Variants in LARP4B observed in about 807,000 individuals in gnomAD.
LARP4B encodes the protein La ribonucleoprotein 4B.
Under a neutral mutation model 89.8 loss-of-function variants are expected in LARP4B, and 12 were observed. The observed-to-expected ratio is 0.13, with a 90% CI of 0.09 to 0.22. The LOEUF (loss-of-function observed/expected upper bound fraction) is 0.22, where lower values mean the gene tolerates loss of function less well. Among genes scored for constraint, LARP4B ranks in the 10% least tolerant of loss-of-function variants. The pLI, the probability that LARP4B is intolerant of heterozygous loss-of-function variation, is 1.00. For missense variants in LARP4B, 757 were observed against 947.7 expected, an observed-to-expected ratio of 0.80 and a Z score of 2.64; for synonymous variants, 367 against 363.3, an observed-to-expected ratio of 1.01 and a Z score of -0.12.
rs1220700409 is a variant in LARP4B, at chr10:811,617, T to C, written c.*1309A>G. 6.6e-6 allele frequency: 1 copy of C among 152,602 alleles called. No individual in the cohort carries two copies. The highest frequency in any genetic ancestry group is 1.9e-4 in the East Asian group (1 of 5,198). The allele number at this position is 152,602 out of a possible 1,614,324, so 9.5% of individuals were successfully genotyped here. A position where few individuals can be genotyped will look rare whatever the true frequency, so the allele number is the denominator to read the frequency against. ...TTATACAAAAGTTAAGGCAAAGTCA[T>C]TTTCAAGTTTAAATAAAATTCAAGT... On this transcript the variant is annotated 3_prime_UTR_variant, in exon 18 of 18. Transcript: ENST00000316157.
chr10:937,653 C>T, the LARP4B span, among the ~76,000 whole-genome samples: 2 of 152,098 alleles, frequency 1.3e-5, no homozygotes, highest in African/African-American at 4.8e-5. Context: ...AATTCACAAA[C>T]TTATCACGAG....
chr10:978,748 T>A, the LARP4B span, among the ~76,000 whole-genome samples: 1 of 152,248 alleles, frequency 6.6e-6, no homozygotes, highest in Non-Finnish European at 1.5e-5. Context: ...ATGCACTTTA[T>A]TTGTTCCTCA....
At chr10:827,449 T>C (rs1832691903) in intron 11 of LARP4B, among the ~76,000 whole-genome samples, 1 of 152,074 alleles carries the variant, frequency 6.6e-6, no homozygotes, top group East Asian at 1.9e-4. Context: ...TGGTCATATA[T>C]AAAAAATAAA....
intron 1 of LARP4B, among the ~76,000 whole-genome samples, chr10:902,878 G>A (rs572809522): frequency 6.6e-6 from 1 of 152,276 alleles, no homozygotes; most frequent in East Asian, 1.9e-4. Context: ...CTGACCTCAA[G>A]TGATCCCGCC....
intron 15 of LARP4B, among the ~76,000 whole-genome samples, chr10:817,270 C>A (rs994092736): frequency 1.4e-4 from 21 of 152,222 alleles, no homozygotes; most frequent in Non-Finnish European, 2.6e-4. Flanking sequence ...CCTCGTGGGG[C>A]AGCCCAGACC....
chr10:869,632 A>G (rs1835092718), intron 3 of LARP4B, among the ~76,000 whole-genome samples: 1 of 152,168 alleles, frequency 6.6e-6, no homozygotes, highest in Non-Finnish European at 1.5e-5. Context: ...CATGCCTGCA[A>G]TGCCAGCACT....
At chr10:912,065 A>G (rs1314011766) in intron 1 of LARP4B, among the ~76,000 whole-genome samples, 1 of 152,230 alleles carries the variant, frequency 6.6e-6, no homozygotes, top group African/African-American at 2.4e-5. Context: ...CCTTGAGGGA[A>G]TGTCCTTGCA....
At chr10:929,093 C>T (rs1837229195) in intron 1 of LARP4B, among the ~76,000 whole-genome samples, 2 of 152,154 alleles carry the variant, frequency 1.3e-5, no homozygotes, top group South Asian at 4.1e-4. Flanking sequence ...TACTCTTCTA[C>T]AGAATAGTAC....
chr10:968,266 T>C, the LARP4B span, among the ~76,000 whole-genome samples: 5 of 152,224 alleles, frequency 3.3e-5, no homozygotes, highest in African/African-American at 1.2e-4. Context: ...ATAAAAAGGC[T>C]TTCCCAGCAA....
chr10:854,712 T>C (rs1834216448), intron 5 of LARP4B, among the ~76,000 whole-genome samples: 1 of 152,154 alleles, frequency 6.6e-6, no homozygotes, highest in Admixed American at 6.5e-5. Flanking sequence ...TTAGCATCAT[T>C]CTTATGGGCC....
intron 5 of LARP4B, among the ~76,000 whole-genome samples, chr10:847,004 G>C (rs1224793724): frequency 6.6e-6 from 1 of 152,188 alleles, no homozygotes; most frequent in Admixed American, 6.5e-5. Flanking sequence ...CTAACTACTA[G>C]ATCTGGCTGC....
At chr10:950,577 T>A in the LARP4B span, among the ~76,000 whole-genome samples, 4 of 152,328 alleles carry the variant, frequency 2.6e-5, no homozygotes, top group East Asian at 1.9e-4. Flanking sequence ...AATCTATATA[T>A]CATTTTGGGA....
At chr10:951,501 G>A in the LARP4B span, among the ~76,000 whole-genome samples, 3 of 151,902 alleles carry the variant, frequency 2.0e-5, no homozygotes, top group Non-Finnish European at 1.5e-5. Flanking sequence ...AGCCGAGATC[G>A]CGCCACTGCA....
At chr10:837,402 G>A (rs543237811) in intron 7 of LARP4B, among the ~76,000 whole-genome samples, 49 of 152,198 alleles carry the variant, frequency 3.2e-4, no homozygotes, top group Non-Finnish European at 6.2e-4. Flanking sequence ...AATTCTTCTC[G>A]AGTGAATTTA....
At chr10:861,627 T>C (rs1040707265) in intron 5 of LARP4B, among the ~76,000 whole-genome samples, 1 of 152,250 alleles carries the variant, frequency 6.6e-6, no homozygotes, top group African/African-American at 2.4e-5. Context: ...TATCTTCAGA[T>C]AGATTTTAAC....
At chr10:908,442 A>AG (rs964934394) in intron 1 of LARP4B, among the ~76,000 whole-genome samples, 4 of 152,282 alleles carry the variant, frequency 2.6e-5, no homozygotes, top group South Asian at 4.1e-4. Context: ...GAACCCAAAG[A>AG]GGGGGCCATG....
chr10:910,221 TC>T (rs34362312), intron 1 of LARP4B, among the ~76,000 whole-genome samples: 19,306 of 152,260 alleles, frequency 0.13, 1,618 homozygotes, highest in Non-Finnish European at 0.19. Context: ...CTGCCTTTTT[TC>T]CCTTTAAAAA....
intron 7 of LARP4B, among the ~76,000 whole-genome samples, chr10:838,476 A>T (rs565892376): frequency 1.3e-5 from 2 of 151,714 alleles, no homozygotes; most frequent in East Asian, 3.9e-4. Flanking sequence ...GACACTTCAC[A>T]AAAGATTTAC....
intron 1 of LARP4B, among the ~76,000 whole-genome samples, chr10:919,316 A>G (rs1402365715): frequency 6.6e-6 from 1 of 152,180 alleles, no homozygotes; most frequent in Non-Finnish European, 1.5e-5. Flanking sequence ...CAAAAGGCTT[A>G]TAAGCATCGG....
Sources: allele counts gnomAD v4.1 joint callset (sites outside exome capture counted in the v4.1 genomes callset), GRCh38; gene constraint gnomAD v4.1.1; transcripts MANE v1.5; gene names NCBI Gene and HGNC (gene_info 2026-07-23, HGNC 2026-07-21).